SDK1: variants seen among roughly 807,000 people sequenced by gnomAD.
SDK1 encodes the protein sidekick cell adhesion molecule 1, also known as protein sidekick-1.
In SDK1, 157 loss-of-function variants were observed where a neutral mutation model predicts 245.5. The ratio of observed to expected loss-of-function variants is 0.64; its 90% CI spans 0.56 to 0.73. The LOEUF is 0.73. SDK1 is among the 30% of genes least tolerant of loss of function. The pLI is 0.00. For synonymous variants in SDK1, 1,647 were observed against 1,278.5 expected, an observed-to-expected ratio of 1.29 and a Z score of -6.15; for missense variants, 3,583 against 3,002.3, an observed-to-expected ratio of 1.19 and a Z score of -4.52.
intron 1 of SDK1, among the ~76,000 whole-genome samples, chr7:3,471,413 A>T (rs957627405): frequency 1.3e-5 from 2 of 152,156 alleles, no homozygotes; most frequent in Non-Finnish European, 2.9e-5. Context: ...AATCATTATC[A>T]TCTCCTGATA....
intron 30 of SDK1, among the ~76,000 whole-genome samples, chr7:4,156,585 A>G (rs898003318): frequency 5.3e-5 from 8 of 152,224 alleles, no homozygotes; most frequent in Non-Finnish European, 1.0e-4. Flanking sequence ...GAGCTGGTAG[A>G]GAAACAGTGT....
intron 25 of SDK1, among the ~76,000 whole-genome samples, chr7:4,117,125 T>G (rs1218496363): frequency 6.6e-6 from 1 of 152,260 alleles, no homozygotes; most frequent in Non-Finnish European, 1.5e-5. Context: ...GAATTAAAAC[T>G]TCTGCCATAA....
At chr7:3,856,953 T>A (rs568481992) in intron 5 of SDK1, among the ~76,000 whole-genome samples, 4 of 152,244 alleles carry the variant, frequency 2.6e-5, no homozygotes, top group South Asian at 2.1e-4. Context: ...AAGAGGGATA[T>A]TTCCTGCTGA....
chr7:4,204,657 A>G (rs1784090851), intron 35 of SDK1, among the ~76,000 whole-genome samples: 1 of 152,136 alleles, frequency 6.6e-6, no homozygotes, highest in African/African-American at 2.4e-5. Context: ...GATGGTCCGT[A>G]AAGACACTCA....
At chr7:3,815,153 G>T (rs1261888246) in intron 4 of SDK1, among the ~76,000 whole-genome samples, 1 of 104,096 alleles carries the variant, frequency 9.6e-6, no homozygotes, top group East Asian at 2.6e-4. Flanking sequence ...ACACTATGTT[G>T]AATAGGAGTG....
At chr7:3,818,978 A>G (rs1226834924) in intron 4 of SDK1, among the ~76,000 whole-genome samples, 2 of 152,190 alleles carry the variant, frequency 1.3e-5, no homozygotes, top group Non-Finnish European at 2.9e-5. Flanking sequence ...AAGAAAGAAG[A>G]CAGGATGGGC....
chr7:3,995,216 G>A (rs1784611182), intron 14 of SDK1, among the ~76,000 whole-genome samples: 1 of 152,148 alleles, frequency 6.6e-6, no homozygotes. Flanking sequence ...CAGATATTCA[G>A]TGCCACTGCA....
At chr7:3,841,601 C>G (rs1423448926) in intron 5 of SDK1, among the ~76,000 whole-genome samples, 1 of 151,412 alleles carries the variant, frequency 6.6e-6, no homozygotes, top group Non-Finnish European at 1.5e-5. Context: ...GAGTTTTGCT[C>G]TGTCACCCAG....
chr7:4,207,701 A>T (rs1381917936), intron 36 of SDK1, among the ~76,000 whole-genome samples: 1 of 152,056 alleles, frequency 6.6e-6, no homozygotes, highest in East Asian at 1.9e-4. Flanking sequence ...TCTCCAGAAG[A>T]TGGGGGAGAG....
At chr7:3,463,014 T>C (rs1257961835) in intron 1 of SDK1, among the ~76,000 whole-genome samples, 1 of 152,176 alleles carries the variant, frequency 6.6e-6, no homozygotes, top group Non-Finnish European at 1.5e-5. Context: ...CTCCCTTCCT[T>C]TCCTCTGAGA....
intron 14 of SDK1, among the ~76,000 whole-genome samples, chr7:4,009,935 A>G (rs973344258): frequency 1.3e-5 from 2 of 152,184 alleles, no homozygotes; most frequent in African/African-American, 4.8e-5. Flanking sequence ...TTTTTGGAGA[A>G]GCGGCTGGGA....
At chr7:4,178,625 G>A (rs745388031) in intron 35 of SDK1, 39 bp downstream of exon 35, 1 of 1,463,926 alleles carries the variant, frequency 6.8e-7, no homozygotes, top group Non-Finnish European at 9.5e-7. Flanking sequence ...GCCAGAGAGG[G>A]CCACAGTGGT....
chr7:3,442,314 A>C (rs762007493), intron 1 of SDK1, among the ~76,000 whole-genome samples: 28 of 152,216 alleles, frequency 1.8e-4, no homozygotes, highest in Non-Finnish European at 3.7e-4. Flanking sequence ...GCCAAGGTTC[A>C]ACTCGTGTAT....
chr7:3,720,816 T>G (rs1489672338), intron 4 of SDK1, among the ~76,000 whole-genome samples: 4 of 152,248 alleles, frequency 2.6e-5, no homozygotes. Flanking sequence ...GCACCATTGT[T>G]TGTAATAGCC....
intron 2 of SDK1, among the ~76,000 whole-genome samples, chr7:3,623,633 T>C (rs1255021584): frequency 1.3e-5 from 2 of 152,210 alleles, no homozygotes; most frequent in African/African-American, 4.8e-5. Flanking sequence ...GCAATTAAAC[T>C]AAGTTTGCAT....
intron 1 of SDK1, among the ~76,000 whole-genome samples, chr7:3,617,332 C>G (rs1234442033): frequency 6.6e-6 from 1 of 152,180 alleles, no homozygotes; most frequent in Non-Finnish European, 1.5e-5. Flanking sequence ...GAGTAACCTA[C>G]AAACACTTTA....
intron 27 of SDK1, 53 bp from the exon 28 acceptor site, chr7:4,132,272 G>A (rs113227378): frequency 3.4e-5 from 48 of 1,396,844 alleles, no homozygotes; most frequent in East Asian, 2.4e-4. Context: ...AACCTGTCAC[G>A]CACCCAAGGA....
At chr7:3,437,174 CA>C (rs1359506475) in intron 1 of SDK1, among the ~76,000 whole-genome samples, 4 of 152,086 alleles carry the variant, frequency 2.6e-5, no homozygotes, top group East Asian at 1.9e-4. Context: ...CAGTACCCTT[CA>C]GGGGTGAAAG....
intron 20 of SDK1, among the ~76,000 whole-genome samples, chr7:4,073,961 T>TA (rs1780446134): frequency 6.6e-6 from 1 of 151,828 alleles, no homozygotes; most frequent in Non-Finnish European, 1.5e-5. Context: ...CTGAGCACTA[T>TA]GGGGTGGGGC....
Sources: allele counts gnomAD v4.1 joint callset (sites outside exome capture counted in the v4.1 genomes callset), GRCh38; gene constraint gnomAD v4.1.1; transcripts MANE v1.5; gene names NCBI Gene and HGNC (gene_info 2026-07-23, HGNC 2026-07-21).